MORC3: variants seen among roughly 807,000 people sequenced by gnomAD.
MORC3 encodes the protein MORC family CW-type zinc finger protein 3.
A neutral mutation model predicts 109.1 loss-of-function variants in MORC3; 31 were observed. That is an observed-to-expected ratio of 0.28 (90% confidence interval 0.21 to 0.38). MORC3 has a LOEUF of 0.38. Among genes scored for constraint, MORC3 ranks in the 10% least tolerant of loss-of-function variants. MORC3 has a pLI of 1.00. For missense variants in MORC3, 867 were observed against 1,135.8 expected (o/e 0.76, Z 3.40); for synonymous variants, 395 against 380.7 (o/e 1.04, Z -0.44).
rs1404987123 is a variant in MORC3 at position 36,340,282 on chromosome 21, A to G, written c.609-1117A>G. 2.0e-5 allele frequency among the ~76,000 whole-genome samples: 3 copies of G among 151,712 alleles called. No homozygotes were observed. In the East Asian group the frequency reaches 5.8e-4, roughly 29 times the overall value. On this transcript the variant is annotated intron_variant, in intron 5 of 16. Transcript: ENST00000400485. ...GAAAGAGCGAGACTCTGTCTCAAAA[A>G]AAAAAAAAAAAACTATAGTACAGTA... is the stretch of plus-strand genomic sequence containing the variant.
At chr21:36,329,842 TTTC>T (rs1336994607) in intron 1 of MORC3, among the ~76,000 whole-genome samples, 1 of 152,062 alleles carries the variant, frequency 6.6e-6, no homozygotes, top group Non-Finnish European at 1.5e-5. Flanking sequence ...TTTTCCCTTT[TTTC>T]TTTTCTTTTT....
chr21:36,320,561 T>C (rs930601055), intron 1 of MORC3: 2 of 329,788 alleles, frequency 6.1e-6, no homozygotes, highest in Non-Finnish European at 1.1e-5. Flanking sequence ...TCCTCCCAGC[T>C]CCCTCCTAGT....
intron 15 of MORC3, among the ~76,000 whole-genome samples, chr21:36,370,637 A>ATTTTTTTTTTTTTTTTTTTT (rs2085850459): frequency 1.0e-4 from 3 of 28,702 alleles, no homozygotes; most frequent in Non-Finnish European, 1.4e-4. Context: ...ATATATATAT[A>ATTTTTTTTTTTTTTTTTTTT]TATTTTTTTT....
intron 16 of MORC3, among the ~76,000 whole-genome samples, chr21:36,373,623 C>CAA (rs924131996): frequency 8.5e-6 from 1 of 117,456 alleles, no homozygotes; most frequent in Non-Finnish European, 1.8e-5. Context: ...AACTCCGTCT[C>CAA]AAAAAAAAAA....
In MORC3 at chr21:36,376,034, A is replaced by T. The variant is rs1232296437; in HGVS notation, c.*738A>T. On this transcript the variant is annotated 3_prime_UTR_variant, in exon 17 of 17. Transcript: ENST00000400485. The stretch of plus-strand genomic sequence containing the variant: ...CATTTTTGGCTGTTTAGTCAGCATG[A>T]AGTGGGCATGATAATTTTTTAATAT... 6.6e-6 allele frequency: 1 copy of T among 152,244 alleles called. No homozygotes were observed. The allele number at this position is 152,244 out of a possible 1,614,324, so 9.4% of individuals were successfully genotyped here. A position where few individuals can be genotyped will look rare whatever the true frequency, so the allele number is the denominator to read the frequency against.
intron 8 of MORC3, among the ~76,000 whole-genome samples, chr21:36,346,268 G>A (rs903203383): frequency 2.0e-5 from 3 of 152,166 alleles, no homozygotes; most frequent in Non-Finnish European, 4.4e-5. Context: ...ATCCACCCAC[G>A]TCGGCTTCTC....
At chr21:36,366,130 C>T (rs1401401358) in intron 14 of MORC3, among the ~76,000 whole-genome samples, 1 of 152,132 alleles carries the variant, frequency 6.6e-6, no homozygotes, top group Non-Finnish European at 1.5e-5. Context: ...GATACCATCG[C>T]CCAGCTATTG....
chr21:36,348,269 C>CT (rs1318662018), intron 8 of MORC3: 1 of 152,196 alleles, frequency 6.6e-6, no homozygotes, highest in Non-Finnish European at 1.5e-5. Context: ...GGGTAAATGA[C>CT]TTTAACTTTT....
At chr21:36,364,028 C>A (rs1371735333) in intron 13 of MORC3, 65 bp from the exon 14 acceptor site, 3 of 1,497,918 alleles carry the variant, frequency 2.0e-6, no homozygotes, top group Non-Finnish European at 1.8e-6. Context: ...AAGATTATAT[C>A]TTGTGTTTTG....
In MORC3 at chr21:36,375,674, C is replaced by G. The variant is rs16994052; in HGVS notation, c.*378C>G. 684 of 158,140 alleles carry G rather than the reference C, an allele frequency of 4.3e-3. 4 individuals are homozygous for G. Among genetic ancestry groups the G allele is most frequent in the African/African-American group, 0.014 (596 of 41,578 alleles). The allele number at this position is 158,140 out of a possible 1,614,324, so 9.8% of individuals were successfully genotyped here. ...CCCCAAAGTGTATTTTTCTCTAAGT[C>G]GAGGGCTATGCCATAATACAAATGG... On this transcript the variant is annotated 3_prime_UTR_variant, in exon 17 of 17. Transcript: ENST00000400485.
Position 36,375,915 on chromosome 21 carries a change from T to C in MORC3, c.*619T>C, listed in dbSNP as rs2085924766. Reference sequence around the variant, plus strand: ...GTTGTGCTGAGATTGCCAATCACGGTTAAACACAAAGTGTTTTTATAGAAT... The same window carrying C: ...GTTGTGCTGAGATTGCCAATCACGGCTAAACACAAAGTGTTTTTATAGAAT... On this transcript the variant is annotated 3_prime_UTR_variant, in exon 17 of 17. Coordinates refer to ENST00000400485, the MANE Select transcript of MORC3 (RefSeq NM_015358.3). The C allele has an allele frequency of 6.6e-6, 1 of 152,244 alleles. No individual in the cohort carries two copies. Among genetic ancestry groups the C allele is most frequent in the Non-Finnish European group, 1.5e-5 (1 of 68,042 alleles). 9.4% of individuals were successfully genotyped at this position (152,244 alleles called of 1,614,324 possible). A position where few individuals can be genotyped will look rare whatever the true frequency, so the allele number is the denominator to read the frequency against.
intron 8 of MORC3, 112 bp from the exon 9 acceptor site, chr21:36,349,199 G>T: frequency 4.2e-6 from 3 of 718,184 alleles, no homozygotes; most frequent in Non-Finnish European, 2.3e-6. Context: ...AATGTGATGA[G>T]AATCATACAA....
intron 8 of MORC3, 60 bp downstream of exon 8, chr21:36,345,091 A>AT (rs1360019864): frequency 6.8e-7 from 1 of 1,471,670 alleles, no homozygotes; most frequent in Non-Finnish European, 9.2e-7. Flanking sequence ...TTAGGATAAT[A>AT]TATGCTCTTG....
Position 36,362,237 on chromosome 21 carries a change from G to A in MORC3, c.1452+9G>A, listed in dbSNP as rs879087624. ...CGGAAATGATCCCTCGGGTAATTAA[G>A]CCTTCTTTTTTTTTTTTTTTTTTAA... On this transcript the variant is annotated intron_variant, in intron 13 of 16. Transcript: ENST00000400485. 1 of 1,572,928 alleles carries A rather than the reference G, an allele frequency of 6.4e-7. No individual in the cohort carries two copies. The highest frequency in any genetic ancestry group is 8.6e-7 in the Non-Finnish European group (1 of 1,161,316).
At chr21:36,370,772 C>T (rs1192773953) in intron 15 of MORC3, among the ~76,000 whole-genome samples, 2 of 149,670 alleles carry the variant, frequency 1.3e-5, no homozygotes, top group African/African-American at 2.5e-5. Context: ...CGAGTTCAAG[C>T]GATTCTCCTG....
intron 1 of MORC3, among the ~76,000 whole-genome samples, chr21:36,330,743 C>G (rs1168329947): frequency 6.6e-6 from 1 of 152,118 alleles, no homozygotes; most frequent in Admixed American, 6.5e-5. Context: ...GTGTATCATT[C>G]TTTTATCAGT....
chr21:36,326,238 A>T (rs552429246), intron 1 of MORC3, among the ~76,000 whole-genome samples: 20 of 151,472 alleles, frequency 1.3e-4, no homozygotes, highest in Non-Finnish European at 2.4e-4. Flanking sequence ...ATTATTGTTA[A>T]TTTGGCCAGG....
intron 5 of MORC3, among the ~76,000 whole-genome samples, chr21:36,341,028 G>A (rs1305283303): frequency 6.6e-6 from 1 of 152,128 alleles, no homozygotes; most frequent in Non-Finnish European, 1.5e-5. Context: ...TTGTAGTTTT[G>A]GGATATTACA....
intron 2 of MORC3, among the ~76,000 whole-genome samples, chr21:36,333,959 A>G (rs1318270563): frequency 6.7e-6 from 1 of 148,332 alleles, no homozygotes; most frequent in African/African-American, 2.5e-5. Flanking sequence ...ATTTTTTTGT[A>G]TTTTTTTTTA....
Sources: allele counts gnomAD v4.1 joint callset (sites outside exome capture counted in the v4.1 genomes callset), GRCh38; gene constraint gnomAD v4.1.1; transcripts MANE v1.5; gene names NCBI Gene and HGNC (gene_info 2026-07-23, HGNC 2026-07-21).